Variants in GRID2 observed in about 807,000 individuals in gnomAD.
GRID2 encodes the protein glutamate receptor ionotropic, delta-2.
A neutral mutation model predicts 114.8 loss-of-function variants in GRID2; 33 were observed. The ratio of observed to expected loss-of-function variants is 0.29; its 90% CI spans 0.22 to 0.38. The LOEUF is 0.38. GRID2 is among the 10% of genes least tolerant of loss of function. The pLI, the probability that GRID2 is intolerant of heterozygous loss-of-function variation, is 1.00. For missense variants in GRID2, 1,184 were observed against 1,257.7 expected (o/e 0.94, Z 0.89); for synonymous variants, 505 against 449.9 (o/e 1.12, Z -1.55).
chr4:92,466,143 A>C (rs910373566), intron 1 of GRID2, among the ~76,000 whole-genome samples: 2 of 151,826 alleles, frequency 1.3e-5, no homozygotes, highest in African/African-American at 4.8e-5. Flanking sequence ...AGTTAATTTT[A>C]CTACACTATA....
At chr4:92,640,976 C>A (rs1731313362) in intron 2 of GRID2, among the ~76,000 whole-genome samples, 1 of 150,958 alleles carries the variant, frequency 6.6e-6, no homozygotes, top group South Asian at 2.1e-4. Context: ...GTGTGTGCAT[C>A]TAGTAATAGG....
chr4:92,618,159 G>A (rs955272467), intron 2 of GRID2, among the ~76,000 whole-genome samples: 2 of 151,462 alleles, frequency 1.3e-5, no homozygotes, highest in African/African-American at 2.4e-5. Context: ...CTTACATTTA[G>A]ATCTTTGATC....
At chr4:93,771,581 T>G (rs1441020352) in intron 15 of GRID2, among the ~76,000 whole-genome samples, 2 of 152,182 alleles carry the variant, frequency 1.3e-5, no homozygotes, top group Non-Finnish European at 2.9e-5. Context: ...TCACTAACAC[T>G]TCAGTATGAA....
chr4:92,521,020 C>T (rs1318480133), intron 1 of GRID2, among the ~76,000 whole-genome samples: 4 of 151,680 alleles, frequency 2.6e-5, no homozygotes, highest in African/African-American at 4.8e-5. Context: ...TAACAATTAC[C>T]GTTCATAAGT....
chr4:93,474,594 A>G (rs1264557922), intron 11 of GRID2, among the ~76,000 whole-genome samples: 1 of 152,146 alleles, frequency 6.6e-6, no homozygotes, highest in Non-Finnish European at 1.5e-5. Flanking sequence ...ATTGAGGAGA[A>G]TAGAGGGAGA....
intron 4 of GRID2, among the ~76,000 whole-genome samples, chr4:93,170,549 C>G (rs1048896248): frequency 2.6e-5 from 4 of 152,172 alleles, no homozygotes; most frequent in African/African-American, 9.7e-5. Context: ...CAGACAGTTC[C>G]TGCTTCGCCA....
chr4:92,454,583 TC>T (rs1721109137), intron 1 of GRID2, among the ~76,000 whole-genome samples: 1 of 152,208 alleles, frequency 6.6e-6, no homozygotes, highest in Admixed American at 6.5e-5. Context: ...ACGCCTGTAA[TC>T]CCAGCACTTT....
chr4:93,033,205 C>T (rs1724598490), intron 2 of GRID2, among the ~76,000 whole-genome samples: 2 of 152,058 alleles, frequency 1.3e-5, no homozygotes, highest in Non-Finnish European at 2.9e-5. Flanking sequence ...CTTCTGACAC[C>T]AACTACAAAT....
chr4:93,207,589 C>T (rs1742958970), intron 5 of GRID2, 132 bp downstream of exon 5: 1 of 620,506 alleles, frequency 1.6e-6, no homozygotes, highest in South Asian at 2.0e-5. Context: ...TGAGTGAATG[C>T]TGTTTAACAA....
At chr4:93,309,222 C>A (rs1297532214) in intron 8 of GRID2, among the ~76,000 whole-genome samples, 2 of 152,106 alleles carry the variant, frequency 1.3e-5, no homozygotes, top group African/African-American at 2.4e-5. Context: ...TATAATTGTG[C>A]TCAATCATTT....
intron 1 of GRID2, among the ~76,000 whole-genome samples, chr4:92,325,828 T>C (rs1033864074): frequency 1.3e-5 from 2 of 151,828 alleles, no homozygotes; most frequent in African/African-American, 4.8e-5. Flanking sequence ...TCATAATCTC[T>C]TCAATCTATA....
At chr4:92,374,221 T>C (rs975540412) in intron 1 of GRID2, among the ~76,000 whole-genome samples, 1 of 152,158 alleles carries the variant, frequency 6.6e-6, no homozygotes, top group Non-Finnish European at 1.5e-5. Flanking sequence ...TTACAACTTA[T>C]TCTCTTTAAA....
At chr4:93,447,359 A>T (rs984162651) in intron 10 of GRID2, among the ~76,000 whole-genome samples, 3 of 152,014 alleles carry the variant, frequency 2.0e-5, no homozygotes, top group African/African-American at 7.2e-5. Flanking sequence ...TAGAATTCAT[A>T]AATCAATAGG....
At chr4:92,445,333 C>A (rs1733397281) in intron 1 of GRID2, among the ~76,000 whole-genome samples, 1 of 152,148 alleles carries the variant, frequency 6.6e-6, no homozygotes, top group East Asian at 1.9e-4. Context: ...ACAATCTTTG[C>A]CTTCACCCTT....
At chr4:93,377,452 G>A (rs1763479485) in intron 8 of GRID2, among the ~76,000 whole-genome samples, 1 of 152,060 alleles carries the variant, frequency 6.6e-6, no homozygotes, top group Non-Finnish European at 1.5e-5. Flanking sequence ...AGCAGGCTCT[G>A]GTTGAAGGAC....
intron 2 of GRID2, among the ~76,000 whole-genome samples, chr4:92,965,125 G>C (rs936563716): frequency 1.3e-5 from 2 of 151,760 alleles, no homozygotes; most frequent in African/African-American, 4.8e-5. Flanking sequence ...TTATTAATTG[G>C]CTTAATTTCA....
intron 2 of GRID2, among the ~76,000 whole-genome samples, chr4:92,666,016 T>C (rs1345144173): frequency 1.3e-5 from 2 of 151,520 alleles, no homozygotes; most frequent in Non-Finnish European, 1.5e-5. Flanking sequence ...GCCTCTTTCA[T>C]TTTCTTCTCC....
chr4:93,157,741 C>T lies in GRID2; in HGVS notation c.735+46788C>T, dbSNP rs72889613. On this transcript the variant is annotated intron_variant, in intron 4 of 15. Coordinates refer to ENST00000282020, the MANE Select transcript of GRID2 (RefSeq NM_001510.4). ...TTAGATGCAAATACTCTTCTGTACT[C>T]ACTTTGAGACTTGCTGAACTCTCAT... Among the ~76,000 whole-genome samples the T allele has an allele frequency of 2.6e-3, 391 of 151,812 alleles. 3 individuals carry two copies. Among genetic ancestry groups the T allele is most frequent in the African/African-American group, 9.1e-3 (376 of 41,506 alleles).
At chr4:92,856,696 C>CT (rs1315621262) in intron 2 of GRID2, among the ~76,000 whole-genome samples, 51 of 152,224 alleles carry the variant, frequency 3.4e-4, no homozygotes, top group African/African-American at 1.1e-3. Context: ...AATATCTTAC[C>CT]TGATGCATTA....
Sources: allele counts gnomAD v4.1 joint callset (sites outside exome capture counted in the v4.1 genomes callset), GRCh38; gene constraint gnomAD v4.1.1; transcripts MANE v1.5; gene names NCBI Gene and HGNC (gene_info 2026-07-23, HGNC 2026-07-21).